Variants in LIPN observed in about 807,000 individuals in gnomAD.
The protein encoded by LIPN is lipase member N.
A neutral mutation model predicts 43.7 loss-of-function variants in LIPN; 32 were observed. The observed-to-expected ratio is 0.73, with a 90% CI of 0.55 to 0.98. The LOEUF is 0.98. Ranked by LOEUF, LIPN falls within the 50% of genes least tolerant of loss-of-function variation. The pLI is 0.00. For missense variants in LIPN, 505 were observed against 483.8 expected (o/e 1.04, Z -0.41); for synonymous variants, 156 against 157.6 (o/e 0.99, Z 0.08).
At position 88,768,884 on chromosome 10, in the gene LIPN, G is replaced by C. The variant is rs1843157071; in HGVS notation, c.628G>C (p.Gly210Arg). ...GPTISFKYPT[G>R]IFTRFFLLPN... is the part of the protein sequence containing the mutation. Reference sequence around the variant, plus strand: ...TACGATCTCATTCAAATATCCCACGGGCATTTTTACCAGGTTTTTTCTACT... The same window carrying C: ...TACGATCTCATTCAAATATCCCACGCGCATTTTTACCAGGTTTTTTCTACT... The change falls in exon 6 of 10, where the codon GGC (glycine) becomes CGC (arginine). Residue 210 changes from glycine (G) to arginine (R), a missense_variant. Gly to Arg is a moderately radical substitution (Grantham distance 125). Coordinates refer to ENST00000404459, the MANE Select transcript of LIPN (RefSeq NM_001102469.2). 1 of 1,611,272 alleles carries C rather than the reference G, an allele frequency of 6.2e-7. No homozygotes were observed. Among genetic ancestry groups the C allele is most frequent in the African/African-American group, 1.3e-5 (1 of 74,776 alleles).
At chr10:88,758,078 G>A (rs117102334), upstream of LIPN, among the ~76,000 whole-genome samples, 900 of 152,210 alleles carry the variant, frequency 5.9e-3, 2 homozygotes, top group Non-Finnish European at 9.8e-3. Flanking sequence ...AGCAGCCTTT[G>A]AGGAGAAAGA....
intron 2 of LIPN, 83 bp from the exon 3 acceptor site, chr10:88,762,104 TA>T: frequency 1.6e-6 from 1 of 619,418 alleles, no homozygotes; most frequent in Non-Finnish European, 2.9e-6. Flanking sequence ...TTCACCCTAA[TA>T]AGCACACAAC....
At chr10:88,764,174 A>C (rs1843049008) in intron 3 of LIPN, among the ~76,000 whole-genome samples, 1 of 152,026 alleles carries the variant, frequency 6.6e-6, no homozygotes, top group Admixed American at 6.6e-5. Context: ...ATACATATAA[A>C]TACGTCAACA....
intron 5 of LIPN, among the ~76,000 whole-genome samples, chr10:88,768,360 C>T (rs977150320): frequency 6.6e-6 from 1 of 151,840 alleles, no homozygotes; most frequent in African/African-American, 2.4e-5. Context: ...GTTAGAATAA[C>T]TGGGTGATGC....
At position 88,778,057 on chromosome 10, in the gene LIPN, A is replaced by G; in HGVS notation, c.1012A>G (p.Ile338Val). The stretch of plus-strand genomic sequence containing the variant: ...GACTGCCATGAAAGTGCCTACTGCT[A>G]TTTGGGCTGGTGGACATGATGTCCT... ...DLTAMKVPTA[I>V]WAGGHDVLVT... Residue 338 changes from isoleucine to valine, a missense_variant, in exon 10 of 10, where the codon ATT (isoleucine) becomes GTT (valine). By Grantham distance (29) the Ile-to-Val change is conservative. Transcript: ENST00000404459. The G allele has an allele frequency of 1.2e-6, 2 of 1,613,484 alleles. No individual in the cohort carries two copies. The highest frequency in any genetic ancestry group is 1.7e-5 in the Admixed American group (1 of 59,946).
chr10:88,768,100 A>G (rs1279316754), intron 5 of LIPN, among the ~76,000 whole-genome samples: 1 of 151,280 alleles, frequency 6.6e-6, no homozygotes, highest in Non-Finnish European at 1.5e-5. Context: ...CTGGAAACCA[A>G]ATTATATGGA....
rs1052817452 is a variant in LIPN, at chr10:88,769,567, T to C, written c.672+639T>C. On this transcript the variant is annotated intron_variant, in intron 6 of 9. Transcript: ENST00000404459. ...TTCTCTACAAAGGTCATTGCCACAA[T>C]GAACACAGCATTTAATCAAATTCCA... The C allele has an allele frequency of 1.2e-5, 12 of 982,780 alleles. No individual in the cohort carries two copies. In the South Asian group the frequency reaches 5.2e-4, roughly 42 times the overall value. The allele number at this position is 982,780 out of a possible 1,614,324, so 60.9% of individuals were successfully genotyped here.
chr10:88,758,556 C>T, upstream of LIPN, among the ~76,000 whole-genome samples: 1 of 147,806 alleles, frequency 6.8e-6, no homozygotes, highest in East Asian at 2.0e-4. Context: ...ATATATATTA[C>T]AGAATATATT....
chr10:88,764,518 A>AT lies in LIPN; in HGVS notation c.336dup (p.Asp113Ter). On this transcript the variant is annotated frameshift_variant, in exon 4 of 10. Coordinates refer to ENST00000404459, the MANE Select transcript of LIPN (RefSeq NM_001102469.2). LOFTEE classifies it high-confidence loss of function. ...GGATTCCTTCTAGCAGATGCAGGTT[A>AT]TGATGTATGGATGGGAAACAGTCGG... The AT allele has an allele frequency of 6.2e-7, 1 of 1,612,342 alleles. No homozygotes were observed. Among genetic ancestry groups the AT allele is most frequent in the Non-Finnish European group, 8.5e-7 (1 of 1,178,964 alleles).
At chr10:88,766,210 C>G in intron 4 of LIPN, 59 bp from the exon 5 acceptor site, 1 of 815,904 alleles carries the variant, frequency 1.2e-6, no homozygotes, top group South Asian at 1.5e-5. Flanking sequence ...TGAGCAAGTG[C>G]TCTGAGTTTT....
At chr10:88,764,350 ACTCTTTCTCTCTCT>A in intron 3 of LIPN, 46 bp from the exon 4 acceptor site, 2 of 1,310,016 alleles carry the variant, frequency 1.5e-6, no homozygotes, top group Non-Finnish European at 2.2e-6. Flanking sequence ...AATTACTCTC[ACTCTTTCTCTCTCT>A]CTCTTTCTCT....
intron 7 of LIPN, among the ~76,000 whole-genome samples, chr10:88,772,342 C>T (rs867250432): frequency 2.0e-5 from 3 of 151,894 alleles, no homozygotes; most frequent in East Asian, 1.9e-4. Flanking sequence ...ACCAATGTCC[C>T]GGAGTGCTTC....
rs779567342 is a variant in LIPN at position 88,764,501 on chromosome 10, T to C, written c.318T>C (p.Leu106=). The C allele has an allele frequency of 1.2e-6, 2 of 1,612,412 alleles. No homozygotes were observed. Among genetic ancestry groups the C allele is most frequent in the South Asian group, 2.2e-5 (2 of 91,004 alleles). ...ATGCTAATGGAAGCCTTGGATTCCT[T>C]CTAGCAGATGCAGGTTATGATGTAT... ...ENYANGSLGF[L]LADAGYDVWM... Residue 106 remains leucine, a synonymous_variant, in exon 4 of 10, where the codon CTT becomes CTC. Coordinates refer to ENST00000404459, the MANE Select transcript of LIPN (RefSeq NM_001102469.2).
At chr10:88,776,191 G>A (rs184942470) in intron 9 of LIPN, among the ~76,000 whole-genome samples, 369 of 151,660 alleles carry the variant, frequency 2.4e-3, no homozygotes, top group Admixed American at 5.3e-3. Flanking sequence ...ACACAAATGC[G>A]TGTATTTGCA....
At position 88,770,908 on chromosome 10, in the gene LIPN, A is replaced by T. The variant is rs1164609394; in HGVS notation, c.736A>T (p.Ile246Phe). The T allele has an allele frequency of 6.5e-7, 1 of 1,549,658 alleles. No individual in the cohort carries two copies. The highest frequency in any genetic ancestry group is 8.7e-7 in the Non-Finnish European group (1 of 1,144,358). Residue 246 changes from isoleucine (I) to phenylalanine (F), a missense_variant, in exon 7 of 10, where the codon ATC (isoleucine) becomes TTC (phenylalanine). By Grantham distance (21) the Ile-to-Phe change is conservative. Transcript: ENST00000404459. ...DKKTKIASTK[I>F]CNNKILWLIC... is the part of the protein sequence containing the mutation. ...GAAAACGAAGATAGCTTCTACCAAA[A>T]TCTGCAACAATAAGATACTCTGGTT... is the stretch of plus-strand genomic sequence containing the variant.
chr10:88,763,164 TA>T (rs1437042741), intron 3 of LIPN, among the ~76,000 whole-genome samples: 1 of 152,158 alleles, frequency 6.6e-6, no homozygotes, highest in East Asian at 1.9e-4. Flanking sequence ...TTTTACTAGT[TA>T]AAATATGAAA....
Position 88,768,831 on chromosome 10 carries a change from G to C in LIPN, c.575G>C (p.Arg192Thr). 1.2e-6 allele frequency: 2 copies of C among 1,611,464 alleles called. No homozygotes were observed. The highest frequency in any genetic ancestry group is 1.7e-6 in the Non-Finnish European group (2 of 1,178,418). ...TCCACCATGCCTGAACTGGCACAAA[G>C]AATCAAAATGAATTTTGCCTTGGGT... ...AFSTMPELAQ[R>T]IKMNFALGPT... is the part of the protein sequence containing the mutation. Residue 192 changes from arginine to threonine, a missense_variant, in exon 6 of 10, where the codon AGA (arginine) becomes ACA (threonine). By Grantham distance (71) the Arg-to-Thr change is moderately conservative. Transcript: ENST00000404459.
intron 7 of LIPN, among the ~76,000 whole-genome samples, chr10:88,771,918 A>G (rs904933517): frequency 2.6e-5 from 4 of 151,728 alleles, no homozygotes; most frequent in South Asian, 4.1e-4. Context: ...GTCAGCATCC[A>G]TTATTGCCTA....
Position 88,766,389 on chromosome 10 carries a change from G to T in LIPN, c.535+11G>T. On this transcript the variant is annotated intron_variant, in intron 5 of 9. Transcript: ENST00000404459. ...TTGGCACTACAATAGGTATGTTTAT[G>T]AGGGTCACTGTTAGGTGTGTTTTTG... 1.4e-6 allele frequency: 2 copies of T among 1,466,210 alleles called. No individual in the cohort carries two copies. Among genetic ancestry groups the T allele is most frequent in the South Asian group, 2.3e-5 (2 of 88,106 alleles). The allele number at this position is 1,466,210 out of a possible 1,614,324, so 90.8% of individuals were successfully genotyped here. A position where few individuals can be genotyped will look rare whatever the true frequency, so the allele number is the denominator to read the frequency against.
Sources: allele counts gnomAD v4.1 joint callset (sites outside exome capture counted in the v4.1 genomes callset), GRCh38; gene constraint gnomAD v4.1.1; transcripts MANE v1.5; gene names NCBI Gene and HGNC (gene_info 2026-07-23, HGNC 2026-07-21).